Variants in FAT1 observed in about 807,000 individuals in gnomAD.
The protein encoded by FAT1 is protocadherin Fat 1.
Under a neutral mutation model 329.8 loss-of-function variants are expected in FAT1, and 171 were observed. The ratio of observed to expected loss-of-function variants is 0.52; its 90% CI spans 0.46 to 0.59. The LOEUF (loss-of-function observed/expected upper bound fraction) is 0.59, where lower values mean the gene tolerates loss of function less well. Among genes scored for constraint, FAT1 ranks in the 20% least tolerant of loss-of-function variants. FAT1 has a pLI of 0.00. For synonymous variants in FAT1, 2,233 were observed against 2,228.6 expected, an observed-to-expected ratio of 1.00 and a Z score of -0.06; for missense variants, 5,672 against 5,774.4, an observed-to-expected ratio of 0.98 and a Z score of 0.57.
In FAT1 at chr4:186,619,415, C is replaced by A. The variant is rs2126505342; in HGVS notation, c.7171G>T (p.Glu2391Ter). 6.2e-7 allele frequency: 1 copy of A among 1,613,990 alleles called. No individual in the cohort carries two copies. The highest frequency in any genetic ancestry group is 8.5e-7 in the Non-Finnish European group (1 of 1,179,884). Reference sequence around the variant, plus strand: ...ATTCTGGCTTCATAAATCTGTTGTTCAAAGAGTGGTGGATTATCATTGAGG... The same window carrying A: ...ATTCTGGCTTCATAAATCTGTTGTTAAAAGAGTGGTGGATTATCATTGAGG... ...TDLNDNPPLF[E>*]QQIYEARISE... Residue 2391 changes from glutamate to a stop codon, truncating the protein, a stop_gained, in exon 10 of 27, where the codon GAA (glutamate) becomes TAA (stop). Transcript: ENST00000441802. LOFTEE classifies it high-confidence loss of function.
chr4:186,641,968 C>T (rs1741117937), intron 3 of FAT1, among the ~76,000 whole-genome samples: 1 of 150,872 alleles, frequency 6.6e-6, no homozygotes, highest in African/African-American at 2.4e-5. Context: ...GATTGCGCCA[C>T]AGCACTCCAG....
intron 2 of FAT1, among the ~76,000 whole-genome samples, chr4:186,692,820 G>A (rs1021373347): frequency 2.6e-5 from 4 of 152,138 alleles, no homozygotes; most frequent in Non-Finnish European, 5.9e-5. Context: ...TAATTAGCAG[G>A]AAGTGGTGCT....
At chr4:186,598,167 G>A (rs894089321) in intron 22 of FAT1, 42 bp from the exon 23 acceptor site, 1 of 1,547,864 alleles carries the variant, frequency 6.5e-7, no homozygotes, top group African/African-American at 1.4e-5. Context: ...ATCACTCAAT[G>A]ACTCAGAAAC....
chr4:186,601,487 ATGACTCCCCTGCACCCCT>A, intron 20 of FAT1, 61 bp from the exon 21 acceptor site: 3 of 1,460,972 alleles, frequency 2.1e-6, no homozygotes, highest in Non-Finnish European at 1.9e-6. Flanking sequence ...TTTTTAAAGT[ATGACTCCCCTGCACCCCT>A]TGAGACTGAT....
At position 186,620,979 on chromosome 4, in the gene FAT1, T is replaced by G. The variant is rs2126520982; in HGVS notation, c.5607A>C (p.Val1869=). 6.2e-7 allele frequency: 1 copy of G among 1,613,528 alleles called. No individual in the cohort carries two copies. Among genetic ancestry groups the G allele is most frequent in the Non-Finnish European group, 8.5e-7 (1 of 1,179,892 alleles). ...CAGGGGGGCAGTCATTAATGTCAATTACATGTACTGTTACATTCGCTGCAT... is the reference window on the plus strand; with the variant it reads ...CAGGGGGGCAGTCATTAATGTCAATGACATGTACTGTTACATTCGCTGCAT... The part of the protein sequence containing the change: ...AEYAANVTVH[V]IDINDCPPVF... Residue 1869 remains valine, a synonymous_variant, in exon 10 of 27, where the codon GTA becomes GTC. Transcript: ENST00000441802.
At position 186,621,025 on chromosome 4, in the gene FAT1, G is replaced by T. The variant is rs759817168; in HGVS notation, c.5561C>A (p.Thr1854Asn). 6.2e-7 allele frequency: 1 copy of T among 1,612,662 alleles called. No homozygotes were observed. The highest frequency in any genetic ancestry group is 8.5e-7 in the Non-Finnish European group (1 of 1,179,860). Reference sequence around the variant, plus strand: ...TGCATACTCAGCAAATAAACGTGGGGTTCCCATGTCATGCACTTGGACGGT... The same window carrying T: ...TGCATACTCAGCAAATAAACGTGGGTTTCCCATGTCATGCACTTGGACGGT... ...HFTVQVHDMGTPRLFAEYAAN... is the reference protein window; with the variant it reads ...HFTVQVHDMGNPRLFAEYAAN... Residue 1854 changes from threonine (T) to asparagine (N), a missense_variant, in exon 10 of 27, where the codon ACC (threonine) becomes AAC (asparagine). This residue lies in a region of FAT1 where 3,966 missense variants were observed against 3,915.2 expected (regional missense o/e 1.01). Coordinates refer to ENST00000441802, the MANE Select transcript of FAT1 (RefSeq NM_005245.4).
rs2126511741 is a variant in FAT1, at chr4:186,620,037, T to A, written c.6549A>T (p.Glu2183Asp). 2 of 1,614,014 alleles carry A rather than the reference T, an allele frequency of 1.2e-6. No homozygotes were observed. The highest frequency in any genetic ancestry group is 4.5e-5 in the East Asian group (2 of 44,878). ...TVMNKAMPVF[E>D]KPFYSAEIAE... Reference sequence around the variant, plus strand: ...CAATCTCTGCACTGTAGAAAGGTTTTTCAAACACAGGCATGGCTTTATTCA... The same window carrying A: ...CAATCTCTGCACTGTAGAAAGGTTTATCAAACACAGGCATGGCTTTATTCA... Residue 2183 changes from glutamate (E) to aspartate (D), a missense_variant, in exon 10 of 27, where the codon GAA (glutamate) becomes GAT (aspartate). By Grantham distance (45) the Glu-to-Asp change is conservative. Around this residue, in one of 2 missense-constraint regions of FAT1, gnomAD observed 3,966 missense variants for 3,915.2 expected, o/e 1.01. Coordinates refer to ENST00000441802, the MANE Select transcript of FAT1 (RefSeq NM_005245.4).
At position 186,618,733 on chromosome 4, in the gene FAT1, A is replaced by C. The variant is rs2126498384; in HGVS notation, c.7853T>G (p.Val2618Gly). Residue 2618 changes from valine to glycine, a missense_variant, in exon 10 of 27, where the codon GTT (valine) becomes GGT (glycine). Coordinates refer to ENST00000441802, the MANE Select transcript of FAT1 (RefSeq NM_005245.4). ...SAAKGTSVVK[V>G]LASDADEGSN... is the part of the protein sequence containing the mutation. ...GCCCTCATCGGCATCACTTGCAAGA[A>C]CTTTAACGACTGAAGTCCCTTTAGC... is the stretch of plus-strand genomic sequence containing the variant. 5.0e-6 allele frequency: 8 copies of C among 1,614,054 alleles called. No homozygotes were observed. Among genetic ancestry groups the C allele is most frequent in the Non-Finnish European group, 6.8e-6 (8 of 1,179,894 alleles).
At chr4:186,632,147 C>T (rs1436944732) in intron 7 of FAT1, among the ~76,000 whole-genome samples, 1 of 152,200 alleles carries the variant, frequency 6.6e-6, no homozygotes, top group African/African-American at 2.4e-5. Flanking sequence ...AACTAGAATA[C>T]ACTTCCTGGG....
intron 2 of FAT1, among the ~76,000 whole-genome samples, chr4:186,665,924 A>T (rs1231109063): frequency 6.6e-6 from 1 of 151,742 alleles, no homozygotes; most frequent in Non-Finnish European, 1.5e-5. Context: ...TTCTCAGCAA[A>T]CTATCGCAAG....
chr4:186,652,094 G>A (rs188048053), intron 3 of FAT1, among the ~76,000 whole-genome samples: 1 of 152,272 alleles, frequency 6.6e-6, no homozygotes, highest in East Asian at 1.9e-4. Context: ...GTCATACAGG[G>A]ACCCCATACC....
In FAT1 at chr4:186,706,664, G is replaced by T; in HGVS notation, c.3164C>A (p.Thr1055Lys). 1 of 1,613,950 alleles carries T rather than the reference G, an allele frequency of 6.2e-7. No homozygotes were observed. Among genetic ancestry groups the T allele is most frequent in the Non-Finnish European group, 8.5e-7 (1 of 1,179,884 alleles). ...EDAPVGSLVMTVSAHDEDARR... is the reference protein window; with the variant it reads ...EDAPVGSLVMKVSAHDEDARR... ...GGCGTCCTCATCATGAGCCGACACCGTCATTACCAATGAACCAACAGGTGC... is the reference window on the plus strand; with the variant it reads ...GGCGTCCTCATCATGAGCCGACACCTTCATTACCAATGAACCAACAGGTGC... The change falls in exon 2 of 27, where the codon ACG becomes AAG. Residue 1055 changes from threonine (T) to lysine (K), a missense_variant. Thr to Lys is a moderately conservative substitution (Grantham distance 78). Transcript: ENST00000441802.
At chr4:186,695,918 A>T (rs1425137854) in intron 2 of FAT1, among the ~76,000 whole-genome samples, 1 of 152,064 alleles carries the variant, frequency 6.6e-6, no homozygotes, top group Admixed American at 6.5e-5. Context: ...CAGCCTCTGG[A>T]GCAGCTGAGA....
At chr4:186,718,046 G>A (rs952791945) in intron 1 of FAT1, among the ~76,000 whole-genome samples, 1 of 152,156 alleles carries the variant, frequency 6.6e-6, no homozygotes, top group African/African-American at 2.4e-5. Context: ...TCCCAAGTTG[G>A]TAAGTAAGAC....
intron 2 of FAT1, among the ~76,000 whole-genome samples, chr4:186,691,428 CTAACAAAGTT>C (rs1015416460): frequency 1.3e-4 from 20 of 152,214 alleles, no homozygotes; most frequent in African/African-American, 4.6e-4. Flanking sequence ...CATTAGGTTT[CTAACAAAGTT>C]TGTCAACTAA....
intron 9 of FAT1, among the ~76,000 whole-genome samples, chr4:186,622,928 C>T (rs777386241): frequency 7.2e-5 from 11 of 152,242 alleles, no homozygotes; most frequent in Non-Finnish European, 1.3e-4. Flanking sequence ...AGGTTTGCCA[C>T]GAGTGTGGCA....
chr4:186,650,214 C>G (rs1326904504), intron 3 of FAT1, among the ~76,000 whole-genome samples: 1 of 152,182 alleles, frequency 6.6e-6, no homozygotes, highest in Non-Finnish European at 1.5e-5. Flanking sequence ...CTTAACATCT[C>G]TGGCTGAGAA....
chr4:186,634,227 A>G (rs1740721131), intron 6 of FAT1, among the ~76,000 whole-genome samples: 1 of 152,198 alleles, frequency 6.6e-6, no homozygotes, highest in Admixed American at 6.5e-5. Flanking sequence ...TGACCTAATA[A>G]AATAGCTATT....
At chr4:186,692,157 C>T (rs1390965519) in intron 2 of FAT1, among the ~76,000 whole-genome samples, 6 of 152,146 alleles carry the variant, frequency 3.9e-5, no homozygotes, top group African/African-American at 1.2e-4. Context: ...AATACAGTTA[C>T]ACGTTTCTAT....
Sources: allele counts gnomAD v4.1 joint callset (sites outside exome capture counted in the v4.1 genomes callset), GRCh38; gene constraint gnomAD v4.1.1; regional missense constraint gnomAD v4.1.1; transcripts MANE v1.5; gene names NCBI Gene and HGNC (gene_info 2026-07-23, HGNC 2026-07-21).